The following UNC5C variants were observed in gnomAD, a reference collection of about 807,000 sequenced individuals.
The protein encoded by UNC5C is unc-5 netrin receptor C.
UNC5C carries 47 observed loss-of-function variants against 99.8 expected under a neutral mutation model. The ratio of observed to expected loss-of-function variants is 0.47; its 90% CI spans 0.37 to 0.60. UNC5C has a LOEUF of 0.60. Among genes scored for constraint, UNC5C ranks in the 20% least tolerant of loss-of-function variants. The pLI, the probability that UNC5C is intolerant of heterozygous loss-of-function variation, is 0.00. For missense variants in UNC5C, 1,062 were observed against 1,165.9 expected (o/e 0.91, Z 1.30); for synonymous variants, 487 against 452.2 (o/e 1.08, Z -0.98).
At chr4:95,546,643 C>T (rs1020116104) in intron 1 of UNC5C, among the ~76,000 whole-genome samples, 1 of 152,144 alleles carries the variant, frequency 6.6e-6, no homozygotes, top group Non-Finnish European at 1.5e-5. Flanking sequence ...TTTTCTTTTT[C>T]CACTTAAGAT....
chr4:95,440,209 G>A (rs1221326606), intron 1 of UNC5C, among the ~76,000 whole-genome samples: 2 of 152,190 alleles, frequency 1.3e-5, no homozygotes, highest in East Asian at 3.9e-4. Flanking sequence ...ACGTAATGGA[G>A]AAAGGGAGAC....
Position 95,461,953 on chromosome 4 carries a change from A to G in UNC5C, c.124+86781T>C, listed in dbSNP as rs780498844. On this transcript the variant is annotated intron_variant, in intron 1 of 15. Coordinates refer to ENST00000453304, the MANE Select transcript of UNC5C (RefSeq NM_003728.4). Reference sequence around the variant, plus strand: ...TTTTCTTTTTTTATCTTGTGGTTATATGATTGGCAGTTGGAACTATTTATT... The same window carrying G: ...TTTTCTTTTTTTATCTTGTGGTTATGTGATTGGCAGTTGGAACTATTTATT... Among the ~76,000 whole-genome samples the G allele has an allele frequency of 2.3e-4, 35 of 152,160 alleles. 1 individual carries two copies. The highest frequency in any genetic ancestry group is 6.5e-5 in the Admixed American group (1 of 15,272).
In UNC5C at chr4:95,548,869, G is replaced by A. The variant is rs1271733113; in HGVS notation, c.-12C>T. On this transcript the variant is annotated 5_prime_UTR_variant, in exon 1 of 16. Coordinates refer to ENST00000453304, the MANE Select transcript of UNC5C (RefSeq NM_003728.4). ...AGACCTTTCCTCATCGTAGACAGAG[G>A]TGTGCCGGGGGGAGGGGAGGGGGAC... 3 of 1,612,380 alleles carry A rather than the reference G, an allele frequency of 1.9e-6. No homozygotes were observed. Among genetic ancestry groups the A allele is most frequent in the Non-Finnish European group, 2.5e-6 (3 of 1,179,584 alleles).
At chr4:95,212,659 G>C (rs1247366385) in intron 10 of UNC5C, among the ~76,000 whole-genome samples, 1 of 151,820 alleles carries the variant, frequency 6.6e-6, no homozygotes, top group Non-Finnish European at 1.5e-5. Flanking sequence ...TCACTTCCAC[G>C]TCCCTAGCAG....
intron 1 of UNC5C, among the ~76,000 whole-genome samples, chr4:95,373,090 T>C (rs1156617189): frequency 3.9e-5 from 6 of 152,144 alleles, no homozygotes; most frequent in African/African-American, 1.4e-4. Flanking sequence ...ACCACCATCA[T>C]CTCACTATCT....
At chr4:95,411,132 C>T (rs1025127151) in intron 1 of UNC5C, among the ~76,000 whole-genome samples, 18 of 152,210 alleles carry the variant, frequency 1.2e-4, no homozygotes, top group Admixed American at 5.2e-4. Context: ...TGCCACAGCC[C>T]CTCGGGACAA....
At chr4:95,235,328 T>A (rs1376106858) in intron 7 of UNC5C, among the ~76,000 whole-genome samples, 2 of 151,902 alleles carry the variant, frequency 1.3e-5, no homozygotes, top group Non-Finnish European at 2.9e-5. Flanking sequence ...GCATATAGGG[T>A]TGTTTGTTTT....
chr4:95,415,348 A>G (rs768007984), intron 1 of UNC5C, among the ~76,000 whole-genome samples: 3 of 151,810 alleles, frequency 2.0e-5, no homozygotes. Flanking sequence ...TATCATTAAA[A>G]TTGTTAAAAA....
chr4:95,280,687 TCAA>T (rs58348747), intron 3 of UNC5C, among the ~76,000 whole-genome samples: 15,591 of 150,892 alleles, frequency 0.1, 1,150 homozygotes, highest in East Asian at 0.31. Flanking sequence ...AGACCCCATC[TCAA>T]CAACAACAAC....
At chr4:95,173,687 T>C (rs1736218799) in intron 14 of UNC5C, among the ~76,000 whole-genome samples, 1 of 151,792 alleles carries the variant, frequency 6.6e-6, no homozygotes, top group Admixed American at 6.6e-5. Context: ...ATCAAGGATA[T>C]TGGTCTAAAA....
At chr4:95,504,306 C>T (rs78700919) in intron 1 of UNC5C, among the ~76,000 whole-genome samples, 6,224 of 152,172 alleles carry the variant, frequency 0.041, 197 homozygotes, top group African/African-American at 0.091. Flanking sequence ...GCTTACCCAC[C>T]GCTCAGTTCT....
intron 2 of UNC5C, among the ~76,000 whole-genome samples, chr4:95,327,622 C>A (rs1282291837): frequency 1.3e-5 from 2 of 152,044 alleles, no homozygotes; most frequent in African/African-American, 4.8e-5. Flanking sequence ...AGCTTCATAT[C>A]TGGAGCAACC....
At chr4:95,523,747 G>C (rs571015866) in intron 1 of UNC5C, among the ~76,000 whole-genome samples, 1 of 152,066 alleles carries the variant, frequency 6.6e-6, no homozygotes, top group South Asian at 2.1e-4. Flanking sequence ...ACATGTAAAC[G>C]TAGTCACTTA....
chr4:95,190,746 A>G (rs896873108), intron 12 of UNC5C, among the ~76,000 whole-genome samples: 1 of 152,160 alleles, frequency 6.6e-6, no homozygotes, highest in African/African-American at 2.4e-5. Context: ...CACCAGAAGC[A>G]GGCCACCTGC....
At chr4:95,331,169 A>G (rs1057364442) in intron 2 of UNC5C, among the ~76,000 whole-genome samples, 2 of 152,088 alleles carry the variant, frequency 1.3e-5, no homozygotes, top group African/African-American at 4.8e-5. Flanking sequence ...TTATGGATGA[A>G]TAGTATTCTA....
At chr4:95,499,919 T>C (rs1721735804) in intron 1 of UNC5C, among the ~76,000 whole-genome samples, 2 of 152,082 alleles carry the variant, frequency 1.3e-5, no homozygotes, top group South Asian at 4.2e-4. Context: ...TAACTGTCTA[T>C]ACATCCTAGG....
intron 2 of UNC5C, among the ~76,000 whole-genome samples, chr4:95,304,226 A>C (rs1365158338): frequency 1.3e-5 from 2 of 152,240 alleles, no homozygotes; most frequent in East Asian, 1.9e-4. Context: ...TATGAAGTAC[A>C]TTCAAAATTA....
At chr4:95,189,802 C>T (rs985676642) in intron 12 of UNC5C, among the ~76,000 whole-genome samples, 2 of 152,308 alleles carry the variant, frequency 1.3e-5, no homozygotes, top group African/African-American at 4.8e-5. Context: ...TATCATCTCA[C>T]ACCAGTTAGA....
intron 4 of UNC5C, among the ~76,000 whole-genome samples, chr4:95,274,903 G>A (rs1386821218): frequency 2.0e-5 from 3 of 152,136 alleles, no homozygotes; most frequent in African/African-American, 7.2e-5. Context: ...ATGTGCGCCT[G>A]TAATTCCAGC....
Sources: gnomAD v4.1 joint callset for allele counts (sites outside exome capture counted in the v4.1 genomes callset) on GRCh38, gnomAD v4.1.1 for gene constraint, MANE v1.5 for transcripts, NCBI Gene and HGNC (gene_info 2026-07-23, HGNC 2026-07-21) for gene names.